Variants in GUCY2F observed in about 807,000 individuals in gnomAD.
The protein encoded by GUCY2F is retinal guanylyl cyclase 2.
A neutral mutation model predicts 73.1 loss-of-function variants in GUCY2F; 61 were observed. The ratio of observed to expected loss-of-function variants is 0.83; its 90% CI spans 0.68 to 1.03. The LOEUF (loss-of-function observed/expected upper bound fraction) is 1.03. GUCY2F is among the 50% of genes least tolerant of loss of function. GUCY2F has a pLI of 0.00. For missense variants in GUCY2F, 912 were observed against 854.3 expected, an observed-to-expected ratio of 1.07 and a Z score of -0.84; for synonymous variants, 331 against 307.8, an observed-to-expected ratio of 1.08 and a Z score of -0.79.
intron 8 of GUCY2F, among the ~76,000 whole-genome samples, chrX:109,426,451 T>C (rs760695106): frequency 8.9e-6 from 1 of 112,132 alleles, no homozygotes; most frequent in Non-Finnish European, 1.9e-5. Context: ...TGCAGTGGCG[T>C]GATCTCGGCT....
intron 8 of GUCY2F, among the ~76,000 whole-genome samples, chrX:109,411,675 A>G (rs182764654): frequency 8.9e-6 from 1 of 111,786 alleles, no homozygotes; most frequent in Admixed American, 9.5e-5. Flanking sequence ...TGAGGTACCT[A>G]CAGAACATCA....
chrX:109,405,460 T>G (rs1930950667), intron 9 of GUCY2F, among the ~76,000 whole-genome samples: 1 of 112,577 alleles, frequency 8.9e-6, no homozygotes, highest in Admixed American at 9.4e-5. Context: ...CATATGGTAT[T>G]CAAATGTGAC....
Position 109,475,612 on chromosome X carries a change from C to G in GUCY2F, c.325G>C (p.Ala109Pro), listed in dbSNP as rs1192512630. Residue 109 changes from alanine (A) to proline (P), a missense_variant, in exon 2 of 20, where the codon GCT becomes CCT. Transcript: ENST00000218006. ...ILNEDCQTSRALSSFISHHQM... is the reference protein window; with the variant it reads ...ILNEDCQTSRPLSSFISHHQM... ...TGGTGGGAAATGAAACTGGAGAGAG[C>G]CCTCGAAGTCTGGCAGTCTTCATTG... 8.3e-7 allele frequency: 1 copy of G among 1,207,586 alleles called. No homozygotes were observed. The highest frequency in any genetic ancestry group is 1.1e-6 in the Non-Finnish European group (1 of 893,278).
At chrX:109,381,990 C>T (rs2147250161) in intron 17 of GUCY2F, 128 bp downstream of exon 17, 1 of 413,876 alleles carries the variant, frequency 2.4e-6, no homozygotes, top group Non-Finnish European at 4.3e-6. Context: ...CCAAATGGGG[C>T]TGAAGATTCT....
At chrX:109,401,821 G>A (rs1930846456) in intron 10 of GUCY2F, among the ~76,000 whole-genome samples, 1 of 111,011 alleles carries the variant, frequency 9.0e-6, no homozygotes, top group Non-Finnish European at 1.9e-5. Context: ...AGACCCAGAT[G>A]AGTATATGAA....
chrX:109,388,409 A>ATT, intron 15 of GUCY2F, 80 bp downstream of exon 15: 1 of 764,799 alleles, frequency 1.3e-6, no homozygotes. Context: ...GAATCAGGGG[A>ATT]GAGCTATCTT....
At position 109,464,073 on chromosome X, in the gene GUCY2F, T is replaced by C. The variant is rs111914661; in HGVS notation, c.1032+1069A>G. ...AGTATTCTAGCAAATGCCAGAGCTT[T>C]TAAACTTATGTGTATGTTGTTCTAA... On this transcript the variant is annotated intron_variant, in intron 3 of 19. Transcript: ENST00000218006. Among the ~76,000 whole-genome samples, 481 of 112,690 alleles carry C rather than the reference T, an allele frequency of 4.3e-3. 5 individuals are homozygous for C. The highest frequency in any genetic ancestry group is 0.015 in the African/African-American group (452 of 31,039).
At chrX:109,408,614 G>C (rs1163191980) in intron 9 of GUCY2F, among the ~76,000 whole-genome samples, 1 of 112,224 alleles carries the variant, frequency 8.9e-6, no homozygotes, top group Non-Finnish European at 1.9e-5. Flanking sequence ...GGACCCGGGG[G>C]AGGTAATTGA....
chrX:109,424,489 T>C (rs1022279844), intron 8 of GUCY2F, among the ~76,000 whole-genome samples: 1 of 111,389 alleles, frequency 9.0e-6, no homozygotes, highest in Non-Finnish European at 1.9e-5. Flanking sequence ...GCTATAATGG[T>C]GAATACATGC....
intron 2 of GUCY2F, among the ~76,000 whole-genome samples, chrX:109,474,189 A>G (rs1169151433): frequency 8.9e-6 from 1 of 111,757 alleles, no homozygotes; most frequent in African/African-American, 3.3e-5. Flanking sequence ...CATTTCCTTA[A>G]CAATGGTTAA....
In GUCY2F at chrX:109,452,096, C is replaced by T; in HGVS notation, c.1399G>A (p.Ala467Thr). The change falls in exon 5 of 20, where the codon GCC becomes ACC. Residue 467 changes from alanine to threonine, a missense_variant. Coordinates refer to ENST00000218006, the MANE Select transcript of GUCY2F (RefSeq NM_001522.3). ...GTAAGGCAGACCATCATGGCAAAGG[C>T]AGGGTCGATGCCTGCAGAGAGTGAG... ...GKICHGGIDP[A>T]FAMMVCLTLL... 1 of 1,095,038 alleles carries T rather than the reference C, an allele frequency of 9.1e-7. No individual in the cohort carries two copies. The highest frequency in any genetic ancestry group is 1.3e-6 in the Non-Finnish European group (1 of 789,293). 90.2% of individuals were successfully genotyped at this position (1,095,038 alleles called of 1,213,427 possible).
rs915849023 is a variant in GUCY2F, at chrX:109,405,912, C to T, written c.1969-1428G>A. Among the ~76,000 whole-genome samples, 7 of 111,615 alleles carry T rather than the reference C, an allele frequency of 6.3e-5. No homozygotes were observed. The East Asian group carries it at 1.7e-3, about 27-fold the overall frequency. On this transcript the variant is annotated intron_variant, in intron 9 of 19. Coordinates refer to ENST00000218006, the MANE Select transcript of GUCY2F (RefSeq NM_001522.3). The stretch of plus-strand genomic sequence containing the variant: ...ATATGTGCCAGACACTCTATAACAA[C>T]GAGTACCTCATTTAACCTCCCTGAG...
intron 8 of GUCY2F, among the ~76,000 whole-genome samples, chrX:109,414,719 G>C (rs1374805449): frequency 1.8e-5 from 2 of 111,979 alleles, no homozygotes; most frequent in African/African-American, 3.2e-5. Context: ...GTTGGGACAG[G>C]CTTCATGGGA....
chrX:109,388,602 C>G lies in GUCY2F; in HGVS notation c.2843G>C (p.Arg948Thr). The G allele has an allele frequency of 8.3e-7, 1 of 1,200,488 alleles. No homozygotes were observed. The highest frequency in any genetic ancestry group is 1.1e-6 in the Non-Finnish European group (1 of 885,628). The change falls in exon 15 of 20, where the codon AGG becomes ACG. Residue 948 changes from arginine (R) to threonine (T), a missense_variant. Coordinates refer to ENST00000218006, the MANE Select transcript of GUCY2F (RefSeq NM_001522.3). ...CATGTTTGCAATCTCAGCTGCATGCCTACTGCCATTCCTCTTTGGGAGGCC... is the reference window on the plus strand; with the variant it reads ...CATGTTTGCAATCTCAGCTGCATGCGTACTGCCATTCCTCTTTGGGAGGCC... Reference protein sequence around the residue: ...ASGLPKRNGSRHAAEIANMSL... With the variant: ...ASGLPKRNGSTHAAEIANMSL...
chrX:109,479,140 G>A (rs1049241167), intron 1 of GUCY2F, among the ~76,000 whole-genome samples: 4 of 111,469 alleles, frequency 3.6e-5, no homozygotes, highest in African/African-American at 1.3e-4. Flanking sequence ...GTGCTGCACA[G>A]CTGGGGGTGG....
At chrX:109,432,632 C>T (rs1292100262) in intron 7 of GUCY2F, among the ~76,000 whole-genome samples, 1 of 111,829 alleles carries the variant, frequency 8.9e-6, no homozygotes, top group African/African-American at 3.3e-5. Flanking sequence ...CATCATACAG[C>T]CTGTGGCAGC....
intron 1 of GUCY2F, among the ~76,000 whole-genome samples, chrX:109,478,469 A>G (rs1932738584): frequency 8.9e-6 from 1 of 112,503 alleles, no homozygotes; most frequent in African/African-American, 3.2e-5. Context: ...TGCAACAGTG[A>G]GGACAGCTCT....
At position 109,407,497 on chromosome X, in the gene GUCY2F, C is replaced by A. The variant is rs188558394; in HGVS notation, c.1968+1495G>T. Among the ~76,000 whole-genome samples, 256 of 113,216 alleles carry A rather than the reference C, an allele frequency of 2.3e-3. 2 individuals are homozygous for A. The highest frequency in any genetic ancestry group is 2.0e-3 in the Non-Finnish European group (105 of 53,403). On this transcript the variant is annotated intron_variant, in intron 9 of 19. Coordinates refer to ENST00000218006, the MANE Select transcript of GUCY2F (RefSeq NM_001522.3). ...AGAAATTCAAGCTGGCTGCAGAAGT[C>A]TGCATGAGTAGCAAGGAGCCTAATG...
intron 4 of GUCY2F, 112 bp downstream of exon 4, chrX:109,453,393 C>A (rs113450292): frequency 0.02 from 8,942 of 454,398 alleles, 436 homozygotes; most frequent in African/African-American, 0.16. Flanking sequence ...CACTCGAATG[C>A]AAATAACTGA....
Sources: allele counts gnomAD v4.1 joint callset (sites outside exome capture counted in the v4.1 genomes callset), GRCh38; gene constraint gnomAD v4.1.1; transcripts MANE v1.5; gene names NCBI Gene and HGNC (gene_info 2026-07-23, HGNC 2026-07-21).